The following CAMKK1 variants were observed in gnomAD, a reference collection of about 807,000 sequenced individuals.
CAMKK1 encodes the protein calcium/calmodulin dependent protein kinase kinase 1, also known as calcium/calmodulin-dependent protein kinase kinase 1.
A neutral mutation model predicts 63.5 loss-of-function variants in CAMKK1; 20 were observed. The ratio of observed to expected loss-of-function variants is 0.32; its 90% CI spans 0.22 to 0.46. The LOEUF (loss-of-function observed/expected upper bound fraction) is 0.46. Among genes scored for constraint, CAMKK1 ranks in the 20% least tolerant of loss-of-function variants. CAMKK1 has a pLI of 1.00. For missense variants in CAMKK1, 588 were observed against 658.1 expected (o/e 0.89, Z 1.17); for synonymous variants, 253 against 269.0 (o/e 0.94, Z 0.58).
At chr17:3,866,418 C>G (rs535284216) in intron 14 of CAMKK1, among the ~76,000 whole-genome samples, 12 of 152,262 alleles carry the variant, frequency 7.9e-5, no homozygotes, top group African/African-American at 2.9e-4. Flanking sequence ...CAGGGCGGCC[C>G]GGGAAGCGGC....
Position 3,890,543 on chromosome 17 carries a change from C to G in CAMKK1, c.-44+2396G>C. On this transcript the variant is annotated intron_variant, in intron 1 of 15. Coordinates refer to ENST00000348335, the MANE Select transcript of CAMKK1 (RefSeq NM_032294.3). This position sits in a 1 kb window ranked among gnomAD's most constrained non-coding sequence, Gnocchi z 6.5. The stretch of plus-strand genomic sequence containing the variant: ...CCCAGATTCAACTCAGCATCTTCCC[C>G]AAACCTGCTCGTCCTCCTCTGTCTC... The G allele has an allele frequency of 1.4e-6, 1 of 718,082 alleles. No individual in the cohort carries two copies. Among genetic ancestry groups the G allele is most frequent in the Non-Finnish European group, 2.6e-6 (1 of 383,774 alleles). 44.5% of individuals were successfully genotyped at this position (718,082 alleles called of 1,614,324 possible).
intron 12 of CAMKK1, among the ~76,000 whole-genome samples, chr17:3,871,834 T>C (rs957574931): frequency 2.6e-5 from 4 of 151,762 alleles, no homozygotes; most frequent in African/African-American, 7.3e-5. Context: ...TTAGTAGAGA[T>C]GGGGTTTCAC....
intron 1 of CAMKK1, among the ~76,000 whole-genome samples, chr17:3,888,953 G>A (rs1427217086): frequency 4.0e-5 from 6 of 151,890 alleles, no homozygotes. Flanking sequence ...CCCCACACAG[G>A]AGCGCACTGC....
rs1429246860 is a variant in CAMKK1, at chr17:3,883,101, A to G, written c.589T>C (p.Tyr197His). Residue 197 changes from tyrosine (Y) to histidine (H), a missense_variant, in exon 6 of 16, where the codon TAC (tyrosine) becomes CAC (histidine). Tyr to His is a moderately conservative substitution (Grantham distance 83). Around this residue, in one of 3 missense-constraint regions of CAMKK1, gnomAD observed 357 missense variants for 407.4 expected, o/e 0.88. Transcript: ENST00000348335. This position sits in a 1 kb window ranked among gnomAD's most constrained non-coding sequence, Gnocchi z 4.7. ...AKQLLPLERV[Y>H]QEIAILKKLD... The stretch of plus-strand genomic sequence containing the variant: ...TTCTTCAGGATGGCAATCTCCTGGT[A>G]CACCCGCTCCAGGGGCAGCAGCTGC... 1 of 1,613,660 alleles carries G rather than the reference A, an allele frequency of 6.2e-7. No homozygotes were observed. The highest frequency in any genetic ancestry group is 1.7e-5 in the Admixed American group (1 of 60,008).
rs1354342398 is a variant in CAMKK1 at position 3,860,649 on chromosome 17, A to G, written c.*1562T>C. 1.3e-5 allele frequency: 2 copies of G among 152,230 alleles called. No homozygotes were observed. Among genetic ancestry groups the G allele is most frequent in the Non-Finnish European group, 2.9e-5 (2 of 68,036 alleles). The allele number at this position is 152,230 out of a possible 1,614,324, so 9.4% of individuals were successfully genotyped here. A position where few individuals can be genotyped will look rare whatever the true frequency, so the allele number is the denominator to read the frequency against. On this transcript the variant is annotated 3_prime_UTR_variant, in exon 16 of 16. Coordinates refer to ENST00000348335, the MANE Select transcript of CAMKK1 (RefSeq NM_032294.3). ...AGTAACTTTTTAAGCTTCGGGCCAC[A>G]CTGCCTTAGCCCAGAGGAGCCGGGG...
At chr17:3,885,819 A>C in intron 1 of CAMKK1, 89 bp from the exon 2 acceptor site, 1 of 1,332,630 alleles carries the variant, frequency 7.5e-7, no homozygotes, top group South Asian at 1.4e-5. Flanking sequence ...TCCCACCTCC[A>C]TGCCTTTGCC....
Position 3,883,534 on chromosome 17 carries a change from C to G in CAMKK1, c.463-54G>C, listed in dbSNP as rs1467606740. On this transcript the variant is annotated intron_variant, in intron 4 of 15. Coordinates refer to ENST00000348335, the MANE Select transcript of CAMKK1 (RefSeq NM_032294.3). The surrounding 1 kb of genome is among the most constrained non-coding windows in gnomAD (Gnocchi z 4.7). ...ACTGTGCAGCCACCAGGGGCTAGAACAGGCTGGTACATGTGGACTGAGGTC... is the reference window on the plus strand; with the variant it reads ...ACTGTGCAGCCACCAGGGGCTAGAAGAGGCTGGTACATGTGGACTGAGGTC... The G allele has an allele frequency of 1.4e-6, 2 of 1,406,574 alleles. No individual in the cohort carries two copies. Among genetic ancestry groups the G allele is most frequent in the Non-Finnish European group, 2.0e-6 (2 of 991,276 alleles). The allele number at this position is 1,406,574 out of a possible 1,614,324, so 87.1% of individuals were successfully genotyped here. A position where few individuals can be genotyped will look rare whatever the true frequency, so the allele number is the denominator to read the frequency against.
At chr17:3,871,433 A>T (rs150597902) in intron 12 of CAMKK1, among the ~76,000 whole-genome samples, 2 of 139,830 alleles carry the variant, frequency 1.4e-5, no homozygotes, top group African/African-American at 5.3e-5. Context: ...CAGCTCACTG[A>T]AACCTCTGCC....
rs35949019 is a variant in CAMKK1, at chr17:3,871,419, G to A, written c.1124+1135C>T. Among the ~76,000 whole-genome samples the A allele has an allele frequency of 1.7e-3, 232 of 137,788 alleles. 4 individuals are homozygous for A. In the East Asian group the frequency reaches 0.039, roughly 23 times the overall value. The allele number at this position is 137,788 out of a possible 152,430, so 90.4% of individuals were successfully genotyped here. A position where few individuals can be genotyped will look rare whatever the true frequency, so the allele number is the denominator to read the frequency against. ...GCCCAGGCTGGAGTGCAGTAGCACGGTCTCAGCTCACTGAAACCTCTGCCT... is the reference window on the plus strand; with the variant it reads ...GCCCAGGCTGGAGTGCAGTAGCACGATCTCAGCTCACTGAAACCTCTGCCT... On this transcript the variant is annotated intron_variant, in intron 12 of 15. Transcript: ENST00000348335.
In CAMKK1 at chr17:3,862,891, C is replaced by G. The variant is rs1261909542; in HGVS notation, c.1446-608G>C. 6.6e-6 allele frequency among the ~76,000 whole-genome samples: 1 copy of G among 152,190 alleles called. No individual in the cohort carries two copies. Among genetic ancestry groups the G allele is most frequent in the Non-Finnish European group, 1.5e-5 (1 of 68,046 alleles). Reference sequence around the variant, plus strand: ...GGCTCAAGCGATCCATCCACCTCAGCCTCCTAAAGTGTTGGGATTGCAGGC... The same window carrying G: ...GGCTCAAGCGATCCATCCACCTCAGGCTCCTAAAGTGTTGGGATTGCAGGC... On this transcript the variant is annotated intron_variant, in intron 15 of 15. Coordinates refer to ENST00000348335, the MANE Select transcript of CAMKK1 (RefSeq NM_032294.3). The surrounding 1 kb of genome is among the most constrained non-coding windows in gnomAD (Gnocchi z 4.1).
intron 8 of CAMKK1, among the ~76,000 whole-genome samples, chr17:3,881,275 G>C (rs1369160503): frequency 6.6e-6 from 1 of 152,190 alleles, no homozygotes; most frequent in Non-Finnish European, 1.5e-5. Flanking sequence ...TTGGAAAGCT[G>C]AAAAACCCTT....
intron 14 of CAMKK1, 100 bp from the exon 15 acceptor site, chr17:3,866,111 T>A: frequency 7.0e-7 from 1 of 1,425,574 alleles, no homozygotes; most frequent in Non-Finnish European, 9.6e-7. Flanking sequence ...GGGGCCGCAG[T>A]GCGGGTCCCA....
intron 12 of CAMKK1, among the ~76,000 whole-genome samples, chr17:3,871,441 G>A (rs1002843514): frequency 3.0e-5 from 4 of 133,438 alleles, no homozygotes; most frequent in African/African-American, 5.6e-5. Flanking sequence ...TGAAACCTCT[G>A]CCTCCCGGGT....
intron 12 of CAMKK1, among the ~76,000 whole-genome samples, chr17:3,871,333 G>GGTTTTTTTTTTT (rs1567617833): frequency 9.0e-6 from 1 of 111,006 alleles, no homozygotes; most frequent in African/African-American, 3.2e-5. Context: ...GTTGTTTTTT[G>GGTTTTTTTTTTT]TTTTTTTTTT....
Position 3,872,622 on chromosome 17 carries a change from T to C in CAMKK1, c.1056A>G (p.Pro352=), listed in dbSNP as rs7214864. Residue 352 remains proline, a synonymous_variant, in exon 12 of 16, where the codon CCA becomes CCG. Transcript: ENST00000348335. ...TLYCFVYGKC[P]FIDDFILALH... is the part of the protein sequence containing the mutation. ...GGGCCAGGATGAAATCGTCGATGAATGGGCACTGTGGGGTGGAGAGGCAGA... is the reference window on the plus strand; with the variant it reads ...GGGCCAGGATGAAATCGTCGATGAACGGGCACTGTGGGGTGGAGAGGCAGA... The C allele has an allele frequency of 0.78, 1,259,090 of 1,612,660 alleles. 498,847 individuals are homozygous for C. Among genetic ancestry groups the C allele is most frequent in the South Asian group, 0.82 (74,764 of 91,056 alleles).
rs563828803 is a variant in CAMKK1 at position 3,870,426 on chromosome 17, C to T, written c.1125-538G>A. On this transcript the variant is annotated intron_variant, in intron 12 of 15. Coordinates refer to ENST00000348335, the MANE Select transcript of CAMKK1 (RefSeq NM_032294.3). ...TGTGGCCCAGGCTGGAGTGCAGTGG[C>T]GCAATCTCGGCTCACTGCAAGCTCC... Among the ~76,000 whole-genome samples, 397 of 151,728 alleles carry T rather than the reference C, an allele frequency of 2.6e-3. 1 individual carries two copies. The highest frequency in any genetic ancestry group is 6.7e-3 in the African/African-American group (276 of 41,342).
At position 3,875,882 on chromosome 17, in the gene CAMKK1, T is replaced by A. The variant is rs938788592; in HGVS notation, c.996+341A>T. Among the ~76,000 whole-genome samples, 4 of 152,150 alleles carry A rather than the reference T, an allele frequency of 2.6e-5. No individual in the cohort carries two copies. In the East Asian group the frequency reaches 7.7e-4, roughly 29 times the overall value. On this transcript the variant is annotated intron_variant, in intron 10 of 15. Coordinates refer to ENST00000348335, the MANE Select transcript of CAMKK1 (RefSeq NM_032294.3). ...CCCATTCTTCAAGGGCCAGTTCAAA[T>A]CCTGCCATGTCCCAAGATCTGCGGG... is the stretch of plus-strand genomic sequence containing the variant.
At position 3,879,248 on chromosome 17, in the gene CAMKK1, T is replaced by A. The variant is rs563903454; in HGVS notation, c.796+1098A>T. 1.3e-5 allele frequency: 2 copies of A among 153,206 alleles called. No homozygotes were observed. The highest frequency in any genetic ancestry group is 4.1e-4 in the South Asian group (2 of 4,848). 9.5% of individuals were successfully genotyped at this position (153,206 alleles called of 1,614,324 possible). A position where few individuals can be genotyped will look rare whatever the true frequency, so the allele number is the denominator to read the frequency against. ...CCACCCCACCTCCTTCCTATCCCCA[T>A]CCTGCTGCCACTGCCTTAATCCAGG... On this transcript the variant is annotated intron_variant, in intron 9 of 15. Transcript: ENST00000348335. The surrounding 1 kb of genome is among the most constrained non-coding windows in gnomAD (Gnocchi z 4.5).
intron 7 of CAMKK1, 79 bp from the exon 8 acceptor site, chr17:3,881,727 G>T: frequency 7.5e-7 from 1 of 1,336,398 alleles, no homozygotes; most frequent in Non-Finnish European, 1.1e-6. Flanking sequence ...GTTCTGGAGG[G>T]TAGGAGAGGG....
Sources: allele counts gnomAD v4.1 joint callset (sites outside exome capture counted in the v4.1 genomes callset), GRCh38; gene constraint gnomAD v4.1.1; regional missense constraint gnomAD v4.1.1; non-coding constraint Gnocchi (gnomAD v3.1); transcripts MANE v1.5; gene names NCBI Gene and HGNC (gene_info 2026-07-23, HGNC 2026-07-21).